GSE1: variants seen among roughly 807,000 people sequenced by gnomAD.
The protein encoded by GSE1 is genetic suppressor element 1.
Under a neutral mutation model 112.6 loss-of-function variants are expected in GSE1, and 32 were observed. That is an observed-to-expected ratio of 0.28 (90% CI 0.21 to 0.38). The LOEUF is 0.38. Among genes scored for constraint, GSE1 ranks in the 10% least tolerant of loss-of-function variants. GSE1 has a pLI of 1.00. For missense variants in GSE1, 2,348 were observed against 1,699.2 expected (o/e 1.38, Z -6.71); for synonymous variants, 1,115 against 735.6 (o/e 1.52, Z -8.35).
At position 85,668,348 on chromosome 16, in the gene GSE1, A is replaced by T. The variant is rs776855998; in HGVS notation, c.3339A>T (p.Glu1113Asp). 4.3e-6 allele frequency: 7 copies of T among 1,613,490 alleles called. No individual in the cohort carries two copies. The highest frequency in any genetic ancestry group is 1.7e-5 in the Admixed American group (1 of 60,018). Residue 1113 changes from glutamate to aspartate, a missense_variant, in exon 14 of 16, where the codon GAA (glutamate) becomes GAT (aspartate). Glu to Asp is a conservative substitution (Grantham distance 45, BLOSUM62 2). Transcript: ENST00000253458. The stretch of plus-strand genomic sequence containing the variant: ...AAGAGGAGGATGATGAAGATGGAGA[A>T]GATGAGGAGGAAGTCCCCAAGCGCA... ...EEEEEDDEDG[E>D]DEEEVPKRKW...
At chr16:85,648,866 C>T in intron 3 of GSE1, 115 bp downstream of exon 3, 1 of 555,958 alleles carries the variant, frequency 1.8e-6, no homozygotes, top group Non-Finnish European at 3.1e-6. Context: ...ACACCCCCTC[C>T]CCCACCCTGA....
Position 85,526,516 on chromosome 16 carries a change from G to A in GSE1, c.2465-107398G>A, listed in dbSNP as rs115636270. Among the ~76,000 whole-genome samples, 426 of 152,358 alleles carry A rather than the reference G, an allele frequency of 2.8e-3. 2 individuals carry two copies. Among genetic ancestry groups the A allele is most frequent in the African/African-American group, 9.8e-3 (408 of 41,590 alleles). The stretch of plus-strand genomic sequence containing the variant: ...TGGGGAGAGAGGTGGATCTTCAAAG[G>A]CAGCGGCTGCCTGGGAGCAAGGCTG... On this transcript the variant is annotated intron_variant, in intron 2 of 2. Coordinates refer to the GSE1 transcript ENST00000637419.
At chr16:85,638,468 C>G (rs1041903948) in intron 2 of GSE1, among the ~76,000 whole-genome samples, 1 of 152,240 alleles carries the variant, frequency 6.6e-6, no homozygotes. Flanking sequence ...CGATGCATGC[C>G]CCAGCACTTT....
intron 1 of GSE1, among the ~76,000 whole-genome samples, chr16:85,313,064 T>C (rs1020483554): frequency 6.6e-6 from 1 of 152,128 alleles, no homozygotes; most frequent in Non-Finnish European, 1.5e-5. Context: ...AGGCCCCAGC[T>C]CTGACACTCC....
intron 1 of GSE1, among the ~76,000 whole-genome samples, chr16:85,307,527 G>T (rs1053490539): frequency 2.0e-5 from 3 of 152,226 alleles, no homozygotes; most frequent in African/African-American, 4.8e-5. Context: ...GCCCAGGAGG[G>T]TTCCCAGCAC....
At chr16:85,665,566 G>A (rs999410372) in intron 12 of GSE1, among the ~76,000 whole-genome samples, 4 of 148,550 alleles carry the variant, frequency 2.7e-5, no homozygotes, top group South Asian at 2.3e-4. Flanking sequence ...GGGCCCTGCC[G>A]GCACCTGCCG....
chr16:85,448,489 T>C (rs2049575387), intron 2 of GSE1, among the ~76,000 whole-genome samples: 1 of 152,234 alleles, frequency 6.6e-6, no homozygotes, highest in South Asian at 2.1e-4. Context: ...TCACCTGTCA[T>C]GCTATTGTTA....
At chr16:85,387,967 G>A (rs1278786864) in intron 2 of GSE1, among the ~76,000 whole-genome samples, 1 of 150,022 alleles carries the variant, frequency 6.7e-6, no homozygotes, top group Non-Finnish European at 1.5e-5. Flanking sequence ...TGGATGGGTA[G>A]GTAGATGGGT....
At position 85,661,651 on chromosome 16, in the gene GSE1, G is replaced by C; in HGVS notation, c.2146G>C (p.Val716Leu). The C allele has an allele frequency of 1.2e-6, 2 of 1,611,348 alleles. No homozygotes were observed. Among genetic ancestry groups the C allele is most frequent in the South Asian group, 2.2e-5 (2 of 90,948 alleles). Residue 716 changes from valine (V) to leucine (L), a missense_variant, in exon 9 of 16, where the codon GTG becomes CTG. Val to Leu is a conservative substitution (Grantham distance 32, BLOSUM62 1). Coordinates refer to ENST00000253458, the MANE Select transcript of GSE1 (RefSeq NM_014615.5). ...GCCTGGCTCGCCCTACCGGCCCCCA[G>C]TGCCACGGGCCCCCGACCCTGCCTA... is the stretch of plus-strand genomic sequence containing the variant. ...LKPGSPYRPP[V>L]PRAPDPAYIY...
At chr16:85,569,609 A>G (rs1279325372) in intron 1 of GSE1, among the ~76,000 whole-genome samples, 1 of 152,186 alleles carries the variant, frequency 6.6e-6, no homozygotes, top group Non-Finnish European at 1.5e-5. Flanking sequence ...CGTCATCATC[A>G]CTGGATTTCC....
intron 1 of GSE1, among the ~76,000 whole-genome samples, chr16:85,590,225 T>C (rs554042513): frequency 1.8e-4 from 27 of 152,026 alleles, no homozygotes; most frequent in African/African-American, 6.0e-4. Context: ...TGTGTGACCT[T>C]GTGTGCGTGT....
At chr16:85,256,127 G>C (rs1204348972) in intron 1 of GSE1, among the ~76,000 whole-genome samples, 2 of 151,394 alleles carry the variant, frequency 1.3e-5, no homozygotes, top group Non-Finnish European at 2.9e-5. Flanking sequence ...GGTTTTTCTG[G>C]TTAAATCATG....
chr16:85,197,492 C>G (rs1275515718), intron 1 of GSE1, among the ~76,000 whole-genome samples: 2 of 152,196 alleles, frequency 1.3e-5, no homozygotes, highest in Admixed American at 6.5e-5. Context: ...GCTTTAAAAT[C>G]CCAAATCTTT....
intron 1 of GSE1, among the ~76,000 whole-genome samples, chr16:85,579,809 G>A (rs547295522): frequency 1.1e-4 from 16 of 152,292 alleles, no homozygotes; most frequent in African/African-American, 3.9e-4. Flanking sequence ...GATCGTCTAG[G>A]CTTGGCTTGA....
At position 85,520,908 on chromosome 16, in the gene GSE1, C is replaced by T. The variant is rs190091909; in HGVS notation, c.2465-113006C>T. On this transcript the variant is annotated intron_variant, in intron 2 of 2. Transcript: ENST00000637419. ...ACCAAGGACCAAGTGGGCCTGGTCC[C>T]GCCCGCCACCCTCTGACAGCTGGCC... is the stretch of plus-strand genomic sequence containing the variant. Among the ~76,000 whole-genome samples the T allele has an allele frequency of 2.9e-3, 447 of 152,282 alleles. 3 individuals are homozygous for T. The highest frequency in any genetic ancestry group is 0.01 in the African/African-American group (418 of 41,552).
In GSE1 at chr16:85,268,923, G is replaced by A. The variant is rs374646908; in HGVS notation, c.2284-88540G>A. Among the ~76,000 whole-genome samples the A allele has an allele frequency of 1.0e-4, 13 of 126,118 alleles. 1 individual carries two copies. Among genetic ancestry groups the A allele is most frequent in the African/African-American group, 2.8e-4 (11 of 39,578 alleles). The allele number at this position is 126,118 out of a possible 152,430, so 82.7% of individuals were successfully genotyped here. A position where few individuals can be genotyped will look rare whatever the true frequency, so the allele number is the denominator to read the frequency against. ...ACTTGAGGGGGGACCAGGGGGCTAG[G>A]CTTGCCCCTGCCTTCTAACAGGTTC... is the stretch of plus-strand genomic sequence containing the variant. On this transcript the variant is annotated intron_variant, in intron 1 of 2. Transcript: ENST00000637419.
intron 1 of GSE1, among the ~76,000 whole-genome samples, chr16:85,626,646 G>C (rs796277096): frequency 9.8e-5 from 15 of 152,338 alleles, no homozygotes; most frequent in African/African-American, 3.6e-4. Context: ...ATTGGTGCTT[G>C]AACCGGGACC....
chr16:85,512,299 A>T (rs2051773826), intron 2 of GSE1, among the ~76,000 whole-genome samples: 1 of 152,164 alleles, frequency 6.6e-6, no homozygotes, highest in Non-Finnish European at 1.5e-5. Context: ...GCTGTGAAGC[A>T]GTTAGAGTAG....
At chr16:85,200,580 G>A (rs757401066) in intron 1 of GSE1, among the ~76,000 whole-genome samples, 10 of 152,046 alleles carry the variant, frequency 6.6e-5, no homozygotes, top group African/African-American at 1.9e-4. Context: ...TCTTAACACC[G>A]GATGACGTGT....
Sources: gnomAD v4.1 joint callset for allele counts (sites outside exome capture counted in the v4.1 genomes callset) on GRCh38, gnomAD v4.1.1 for gene constraint, MANE v1.5 for transcripts, NCBI Gene and HGNC (gene_info 2026-07-23, HGNC 2026-07-21) for gene names.